Variants in THSD7A observed in about 807,000 individuals in gnomAD.
The protein encoded by THSD7A is thrombospondin type 1 domain containing 7A.
THSD7A carries 96 observed loss-of-function variants against 231.3 expected under a neutral mutation model. The observed-to-expected ratio is 0.41, with a 90% CI of 0.35 to 0.49. The LOEUF is 0.49. Ranked by LOEUF, THSD7A falls within the 20% of genes least tolerant of loss-of-function variation. The pLI is 0.05. For synonymous variants in THSD7A, 940 were observed against 743.3 expected (o/e 1.26, Z -4.30); for missense variants, 2,290 against 2,070.2 (o/e 1.11, Z -2.06).
chr7:11,577,340 CAG>C (rs1268926691), intron 4 of THSD7A, among the ~76,000 whole-genome samples: 1 of 152,024 alleles, frequency 6.6e-6, no homozygotes, highest in Non-Finnish European at 1.5e-5. Context: ...TTTTTTGAGA[CAG>C]AGTCTGCTCT....
At chr7:11,488,787 G>T (rs1786768537) in intron 6 of THSD7A, among the ~76,000 whole-genome samples, 2 of 152,056 alleles carry the variant, frequency 1.3e-5, no homozygotes, top group South Asian at 4.1e-4. Flanking sequence ...GAAATCTTCT[G>T]TCATTGCCTC....
intron 1 of THSD7A, among the ~76,000 whole-genome samples, chr7:11,761,843 C>G (rs756132720): frequency 1.3e-5 from 2 of 151,896 alleles, no homozygotes; most frequent in Non-Finnish European, 2.9e-5. Flanking sequence ...TCCTAGAGAA[C>G]CTATCACCCA....
chr7:11,758,365 T>C (rs1204728414), intron 1 of THSD7A, among the ~76,000 whole-genome samples: 1 of 152,058 alleles, frequency 6.6e-6, no homozygotes, highest in East Asian at 1.9e-4. Context: ...ATTTTCTTAA[T>C]GCATGGCCGA....
intron 1 of THSD7A, among the ~76,000 whole-genome samples, chr7:11,772,402 T>C: frequency 6.6e-6 from 1 of 152,060 alleles, no homozygotes; most frequent in East Asian, 1.9e-4. Flanking sequence ...AAATCATTCT[T>C]CTAAAAAGAC....
chr7:11,568,759 C>A (rs1364204200), intron 4 of THSD7A, among the ~76,000 whole-genome samples: 1 of 150,596 alleles, frequency 6.6e-6, no homozygotes, highest in African/African-American at 2.4e-5. Context: ...AAAAGGTATC[C>A]GTATTGGGAA....
chr7:11,745,305 G>A (rs1782251913), intron 1 of THSD7A, among the ~76,000 whole-genome samples: 2 of 151,988 alleles, frequency 1.3e-5, no homozygotes, highest in South Asian at 2.1e-4. Context: ...TTTTTTTCTT[G>A]TAAATTTGTT....
chr7:11,565,648 A>G (rs1583985187), intron 4 of THSD7A, among the ~76,000 whole-genome samples: 1 of 152,236 alleles, frequency 6.6e-6, no homozygotes, highest in Non-Finnish European at 1.5e-5. Context: ...GTATGGCTCC[A>G]AAGATTTTGG....
chr7:11,449,470 A>G lies in THSD7A; in HGVS notation c.2606-2046T>C, dbSNP rs535243901. On this transcript the variant is annotated intron_variant, in intron 11 of 27. Transcript: ENST00000423059. The stretch of plus-strand genomic sequence containing the variant: ...GTACAGGAAGGGTTCTGGCAAACAC[A>G]TATGGCTAAGACAGAAAATCCTTTG... Among the ~76,000 whole-genome samples, 4 of 152,204 alleles carry G rather than the reference A, an allele frequency of 2.6e-5. No homozygotes were observed. The East Asian group carries it at 5.8e-4, about 22-fold the overall frequency.
At chr7:11,658,928 A>G (rs544122405) in intron 1 of THSD7A, among the ~76,000 whole-genome samples, 207 of 151,890 alleles carry the variant, frequency 1.4e-3, no homozygotes, top group African/African-American at 4.7e-3. Flanking sequence ...TATGCCTAAA[A>G]GGATGAGTGA....
At chr7:11,418,992 T>G (rs1784051780) in intron 16 of THSD7A, among the ~76,000 whole-genome samples, 1 of 152,134 alleles carries the variant, frequency 6.6e-6, no homozygotes, top group Admixed American at 6.5e-5. Flanking sequence ...TAAAAAAATG[T>G]TATGGTGACA....
chr7:11,778,327 C>A lies in THSD7A; in HGVS notation c.190+53430G>T, dbSNP rs139285345. ...AACTTCCTTCTCACACAATTTAACACTTTCTTCAAAAACAAAGCCATTAAT... is the reference window on the plus strand; with the variant it reads ...AACTTCCTTCTCACACAATTTAACAATTTCTTCAAAAACAAAGCCATTAAT... On this transcript the variant is annotated intron_variant, in intron 1 of 27. Coordinates refer to ENST00000423059, the MANE Select transcript of THSD7A (RefSeq NM_015204.3). Among the ~76,000 whole-genome samples the A allele has an allele frequency of 5.0e-3, 755 of 152,042 alleles. 8 individuals are homozygous for A. The highest frequency in any genetic ancestry group is 0.018 in the African/African-American group (730 of 41,480).
intron 4 of THSD7A, among the ~76,000 whole-genome samples, chr7:11,582,139 A>G (rs1010599710): frequency 3.3e-5 from 5 of 151,902 alleles, no homozygotes; most frequent in Admixed American, 6.6e-5. Flanking sequence ...TTTTTTTCTT[A>G]TTTAGTACTT....
At chr7:11,806,183 G>A (rs890408979) in intron 1 of THSD7A, among the ~76,000 whole-genome samples, 1 of 152,100 alleles carries the variant, frequency 6.6e-6, no homozygotes, top group Non-Finnish European at 1.5e-5. Flanking sequence ...CTTCCTCTGA[G>A]GGTTAACAAG....
intron 1 of THSD7A, among the ~76,000 whole-genome samples, chr7:11,649,167 C>T (rs1200754186): frequency 6.6e-6 from 1 of 152,118 alleles, no homozygotes; most frequent in African/African-American, 2.4e-5. Flanking sequence ...TCTATGATGT[C>T]ATGGAAATAC....
intron 1 of THSD7A, chr7:11,751,169 A>G (rs977869911): frequency 2.6e-5 from 4 of 152,132 alleles, no homozygotes; most frequent in Admixed American, 6.6e-5. Context: ...ACCGCCAGAT[A>G]CATAAGAAAC....
intron 11 of THSD7A, among the ~76,000 whole-genome samples, chr7:11,453,071 C>T (rs1433743946): frequency 6.6e-6 from 1 of 151,756 alleles, no homozygotes; most frequent in Admixed American, 6.6e-5. Context: ...ATGTGCCCTG[C>T]CAGGATAAAT....
At chr7:11,649,400 T>A (rs1782408937) in intron 1 of THSD7A, among the ~76,000 whole-genome samples, 2 of 152,024 alleles carry the variant, frequency 1.3e-5, no homozygotes. Flanking sequence ...TAATGAATAT[T>A]TATTGGTTAT....
chr7:11,826,223 C>T (rs893373159), intron 1 of THSD7A, among the ~76,000 whole-genome samples: 1 of 152,110 alleles, frequency 6.6e-6, no homozygotes, highest in East Asian at 1.9e-4. Flanking sequence ...TGTGAGTATT[C>T]TCCTTGAGAG....
At chr7:11,639,689 T>G (rs1238019915) in intron 1 of THSD7A, among the ~76,000 whole-genome samples, 1 of 151,854 alleles carries the variant, frequency 6.6e-6, no homozygotes, top group South Asian at 2.1e-4. Flanking sequence ...TAATAATAAA[T>G]AAAATAAAAT....
Sources: gnomAD v4.1 joint callset for allele counts (sites outside exome capture counted in the v4.1 genomes callset) on GRCh38, gnomAD v4.1.1 for gene constraint, MANE v1.5 for transcripts, NCBI Gene and HGNC (gene_info 2026-07-23, HGNC 2026-07-21) for gene names.